MYO18B: variants seen among roughly 807,000 people sequenced by gnomAD.
MYO18B encodes the protein myosin XVIIIB.
A neutral mutation model predicts 273.0 loss-of-function variants in MYO18B; 204 were observed. The observed-to-expected ratio is 0.75, with a 90% confidence interval of 0.67 to 0.84. The LOEUF is 0.84. Among genes scored for constraint, MYO18B ranks in the 40% least tolerant of loss-of-function variants. The pLI, the probability that MYO18B is intolerant of heterozygous loss-of-function variation, is 0.00. For missense variants in MYO18B, 3,212 were observed against 3,287.6 expected, an observed-to-expected ratio of 0.98 and a Z score of 0.56; for synonymous variants, 1,330 against 1,305.7, an observed-to-expected ratio of 1.02 and a Z score of -0.40.
At chr22:25,979,283 A>G (rs1187816508) in intron 39 of MYO18B, among the ~76,000 whole-genome samples, 2 of 152,216 alleles carry the variant, frequency 1.3e-5, no homozygotes, top group Admixed American at 6.5e-5. Flanking sequence ...CAATGGCAGT[A>G]TGATGTGGGA....
chr22:25,753,804 C>G (rs895826166), intron 1 of MYO18B, among the ~76,000 whole-genome samples: 1 of 152,110 alleles, frequency 6.6e-6, no homozygotes, highest in Non-Finnish European at 1.5e-5. Flanking sequence ...AACTCCAGAC[C>G]CGTCCGAAAG....
chr22:25,796,886 C>G (rs1388917696), intron 11 of MYO18B, among the ~76,000 whole-genome samples: 1 of 152,208 alleles, frequency 6.6e-6, no homozygotes, highest in Admixed American at 6.5e-5. Flanking sequence ...CCCATGCTGG[C>G]TTCTCCAGCT....
At chr22:25,814,411 C>T (rs537888081) in intron 12 of MYO18B, among the ~76,000 whole-genome samples, 5 of 145,070 alleles carry the variant, frequency 3.4e-5, no homozygotes, top group African/African-American at 1.3e-4. Context: ...CCTCTGCCTC[C>T]CAGGTACAGG....
intron 2 of MYO18B, among the ~76,000 whole-genome samples, chr22:25,761,358 C>T (rs1259840933): frequency 6.6e-6 from 1 of 151,622 alleles, no homozygotes; most frequent in Admixed American, 6.6e-5. Context: ...CCGAGGGCTG[C>T]CTGGTTGTTT....
intron 12 of MYO18B, among the ~76,000 whole-genome samples, chr22:25,823,056 G>A (rs564646799): frequency 6.6e-6 from 1 of 152,188 alleles, no homozygotes; most frequent in East Asian, 1.9e-4. Flanking sequence ...TGTGAACTAG[G>A]CAAGGTTGGG....
Position 25,768,339 on chromosome 22 carries a change from T to C in MYO18B, c.423T>C (p.Thr141=), listed in dbSNP as rs375885391. The C allele has an allele frequency of 8.3e-5, 134 of 1,613,720 alleles. No individual in the cohort carries two copies. The African/African-American group carries it at 1.5e-3, about 18-fold the overall frequency. ...CCAGTGCGACACCAACCAAAAAGAC[T>C]GTCCCCTTCAAGAGGGGCGTGAGGA... The part of the protein sequence containing the change: ...LGSSATPTKK[T]VPFKRGVRRG... The change falls in exon 4 of 44, where the codon ACT becomes ACC. Residue 141 remains threonine (T), a synonymous_variant. Transcript: ENST00000335473.
At chr22:25,829,529 A>AAG (rs2089628454) in intron 15 of MYO18B, among the ~76,000 whole-genome samples, 2 of 151,882 alleles carry the variant, frequency 1.3e-5, no homozygotes, top group South Asian at 4.2e-4. Flanking sequence ...TCATAAAAAA[A>AAG]AAAAAAAAGA....
At chr22:25,939,056 G>A (rs1170956881) in intron 34 of MYO18B, among the ~76,000 whole-genome samples, 2 of 152,120 alleles carry the variant, frequency 1.3e-5, no homozygotes, top group African/African-American at 4.8e-5. Flanking sequence ...CTCAAGTGAT[G>A]CTCCCACCTC....
intron 37 of MYO18B, among the ~76,000 whole-genome samples, chr22:25,951,847 A>C (rs1387160787): frequency 6.6e-6 from 1 of 152,182 alleles, no homozygotes; most frequent in Non-Finnish European, 1.5e-5. Flanking sequence ...AAAATGAAGA[A>C]ACCAAGGCTC....
intron 34 of MYO18B, among the ~76,000 whole-genome samples, chr22:25,936,314 T>G (rs1256893852): frequency 6.6e-6 from 1 of 152,120 alleles, no homozygotes; most frequent in Non-Finnish European, 1.5e-5. Context: ...TGGTGGAGGA[T>G]TCAAGCAGTC....
At chr22:25,973,099 C>T (rs938436424) in intron 39 of MYO18B, among the ~76,000 whole-genome samples, 2 of 152,178 alleles carry the variant, frequency 1.3e-5, no homozygotes, top group East Asian at 1.9e-4. Flanking sequence ...CTGAAGGACA[C>T]TATCTACTTC....
chr22:25,860,383 T>G (rs2090695476), intron 21 of MYO18B, among the ~76,000 whole-genome samples: 1 of 152,212 alleles, frequency 6.6e-6, no homozygotes, highest in Non-Finnish European at 1.5e-5. Flanking sequence ...TTCCTTCCTT[T>G]CACTTGATTT....
intron 9 of MYO18B, among the ~76,000 whole-genome samples, chr22:25,781,041 C>T (rs2087126747): frequency 6.6e-6 from 1 of 152,104 alleles, no homozygotes; most frequent in South Asian, 2.1e-4. Context: ...CAAGGAAAAC[C>T]CCTTCATGCC....
the MYO18B span, among the ~76,000 whole-genome samples, chr22:26,041,846 G>A: frequency 6.6e-6 from 1 of 152,212 alleles, no homozygotes; most frequent in Non-Finnish European, 1.5e-5. Flanking sequence ...CCTGTTCTCT[G>A]TGTCACAACC....
chr22:26,002,634 A>C (rs1934065461), intron 40 of MYO18B, among the ~76,000 whole-genome samples: 1 of 152,196 alleles, frequency 6.6e-6, no homozygotes, highest in South Asian at 2.1e-4. Flanking sequence ...GCACCCACCC[A>C]CTGAACAATT....
chr22:26,018,956 C>CA (rs1179579054), intron 42 of MYO18B, among the ~76,000 whole-genome samples: 4 of 151,774 alleles, frequency 2.6e-5, no homozygotes, highest in African/African-American at 2.4e-5. Context: ...AACTCCATCT[C>CA]AAAAAAAAGA....
chr22:26,037,896 A>T, the MYO18B span, among the ~76,000 whole-genome samples: 1 of 152,232 alleles, frequency 6.6e-6, no homozygotes, highest in Non-Finnish European at 1.5e-5. Flanking sequence ...CTAATACCCC[A>T]TACCTGTGCA....
At chr22:25,837,329 C>T (rs1245633538) in intron 17 of MYO18B, among the ~76,000 whole-genome samples, 3 of 152,108 alleles carry the variant, frequency 2.0e-5, no homozygotes, top group African/African-American at 7.2e-5. Context: ...AAAACCAGCA[C>T]AGGAGACTGA....
At chr22:25,991,318 C>G (rs1036662306) in intron 39 of MYO18B, among the ~76,000 whole-genome samples, 1 of 152,180 alleles carries the variant, frequency 6.6e-6, no homozygotes, top group African/African-American at 2.4e-5. Flanking sequence ...GACTCAGCAC[C>G]GTGGACATTC....
Sources: gnomAD v4.1 joint callset for allele counts (sites outside exome capture counted in the v4.1 genomes callset) on GRCh38, gnomAD v4.1.1 for gene constraint, MANE v1.5 for transcripts, NCBI Gene and HGNC (gene_info 2026-07-23, HGNC 2026-07-21) for gene names.